Variants in ADAMTSL1 observed in about 807,000 individuals in gnomAD.
ADAMTSL1 encodes the protein ADAMTS like 1.
A neutral mutation model predicts 201.8 loss-of-function variants in ADAMTSL1; 126 were observed. The ratio of observed to expected loss-of-function variants is 0.62; its 90% CI spans 0.54 to 0.72. The LOEUF is 0.72. Among genes scored for constraint, ADAMTSL1 ranks in the 30% least tolerant of loss-of-function variants. The pLI is 0.00. For missense variants in ADAMTSL1, 2,679 were observed against 2,277.8 expected, an observed-to-expected ratio of 1.18 and a Z score of -3.59; for synonymous variants, 1,121 against 903.4, an observed-to-expected ratio of 1.24 and a Z score of -4.32.
At chr9:18,111,281 G>C (rs1464961164) in intron 1 of ADAMTSL1, among the ~76,000 whole-genome samples, 1 of 152,212 alleles carries the variant, frequency 6.6e-6, no homozygotes, top group Non-Finnish European at 1.5e-5. Flanking sequence ...ATTGTAATTT[G>C]TTTTAATATA....
intron 2 of ADAMTSL1, among the ~76,000 whole-genome samples, chr9:18,428,989 G>A (rs967516604): frequency 5.9e-5 from 9 of 152,112 alleles, no homozygotes; most frequent in African/African-American, 1.9e-4. Flanking sequence ...TAAATCAAAA[G>A]TCAGCTATAA....
chr9:18,248,457 C>T (rs1831343892), intron 2 of ADAMTSL1, among the ~76,000 whole-genome samples: 1 of 152,030 alleles, frequency 6.6e-6, no homozygotes, highest in Non-Finnish European at 1.5e-5. Context: ...TTCCAAAACA[C>T]TGTTCTATGT....
At position 18,717,963 on chromosome 9, in the gene ADAMTSL1, A is replaced by G. The variant is rs1833059555; in HGVS notation, c.1877-3573A>G. On this transcript the variant is annotated intron_variant, in intron 14 of 28. Coordinates refer to ENST00000380548, the MANE Select transcript of ADAMTSL1 (RefSeq NM_001040272.6). ...CAGAGCTGACTCAGAGCTGCAATGC[A>G]CTTAGTACATTAAAGCAGCTGACAT... 3.9e-6 allele frequency: 6 copies of G among 1,524,576 alleles called. No individual in the cohort carries two copies. In the African/African-American group the frequency reaches 4.1e-5, roughly 10 times the overall value. 94.4% of individuals were successfully genotyped at this position (1,524,576 alleles called of 1,614,324 possible). A position where few individuals can be genotyped will look rare whatever the true frequency, so the allele number is the denominator to read the frequency against.
intron 1 of ADAMTSL1, among the ~76,000 whole-genome samples, chr9:18,501,276 C>T (rs1822825682): frequency 6.6e-6 from 1 of 151,858 alleles, no homozygotes; most frequent in East Asian, 1.9e-4. Context: ...TTTGGGAGGC[C>T]AAGGTGGGTG....
intron 1 of ADAMTSL1, among the ~76,000 whole-genome samples, chr9:18,489,275 A>C (rs1822149297): frequency 6.6e-6 from 1 of 152,206 alleles, no homozygotes; most frequent in Admixed American, 6.5e-5. Flanking sequence ...AAAATCAAAA[A>C]CTTAGGAGCC....
chr9:18,060,487 C>T (rs372710466), intron 1 of ADAMTSL1, among the ~76,000 whole-genome samples: 9 of 152,282 alleles, frequency 5.9e-5, no homozygotes, highest in South Asian at 2.1e-4. Context: ...CTTCCAGCTT[C>T]AGCTTCTGAC....
At chr9:18,635,813 C>A in intron 5 of ADAMTSL1, 130 bp from the exon 6 acceptor site, 2 of 681,078 alleles carry the variant, frequency 2.9e-6, no homozygotes, top group Non-Finnish European at 4.9e-6. Context: ...TAAATATTGG[C>A]CTTCACATTT....
Position 18,635,981 on chromosome 9 carries a change from C to T in ADAMTSL1, c.640C>T (p.His214Tyr), listed in dbSNP as rs762356888. 3 of 1,601,494 alleles carry T rather than the reference C, an allele frequency of 1.9e-6. No homozygotes were observed. The highest frequency in any genetic ancestry group is 1.4e-5 in the African/African-American group (1 of 74,072). ...GGTTGCAATTCCCTATGGAAGTAGA[C>T]ATATTCGCCTTGTCTTAAAAGGTCC... ...TVVAIPYGSR[H>Y]IRLVLKGPDH... Residue 214 changes from histidine (H) to tyrosine (Y), a missense_variant, in exon 6 of 29, where the codon CAT (histidine) becomes TAT (tyrosine). Physicochemically the swap from His to Tyr is moderately conservative, Grantham distance 83. Coordinates refer to ENST00000380548, the MANE Select transcript of ADAMTSL1 (RefSeq NM_001040272.6).
chr9:18,507,936 G>A (rs913150913), intron 2 of ADAMTSL1, among the ~76,000 whole-genome samples: 2 of 152,146 alleles, frequency 1.3e-5, no homozygotes, highest in African/African-American at 4.8e-5. Context: ...TGTAATTGCA[G>A]CACTTTGGGA....
intron 4 of ADAMTSL1, among the ~76,000 whole-genome samples, chr9:18,599,964 A>G (rs921568565): frequency 1.2e-4 from 17 of 146,128 alleles, no homozygotes; most frequent in South Asian, 2.2e-4. Flanking sequence ...CATCCTGGCT[A>G]ACATGGTGAA....
chr9:18,039,487 A>G (rs1321267359), intron 1 of ADAMTSL1, among the ~76,000 whole-genome samples: 1 of 152,122 alleles, frequency 6.6e-6, no homozygotes, highest in Non-Finnish European at 1.5e-5. Context: ...GCATGAGTGT[A>G]TTATTGGTGT....
At chr9:18,084,773 G>A (rs1323472446) in intron 1 of ADAMTSL1, among the ~76,000 whole-genome samples, 2 of 141,206 alleles carry the variant, frequency 1.4e-5, no homozygotes, top group African/African-American at 2.6e-5. Context: ...CTGGAGACAT[G>A]AGAGTGAGCA....
chr9:18,804,149 T>G (rs1326118524), intron 20 of ADAMTSL1, among the ~76,000 whole-genome samples: 2 of 152,190 alleles, frequency 1.3e-5, no homozygotes, highest in Non-Finnish European at 2.9e-5. Context: ...TAATGAATGA[T>G]AGCATTCTCT....
intron 2 of ADAMTSL1, among the ~76,000 whole-genome samples, chr9:18,452,339 C>T (rs141172472): frequency 2.6e-4 from 39 of 152,336 alleles, no homozygotes; most frequent in African/African-American, 9.4e-4. Flanking sequence ...AACCTCTCAA[C>T]ACTTGCACTG....
At chr9:18,395,636 G>T (rs1175474391) in intron 2 of ADAMTSL1, among the ~76,000 whole-genome samples, 1 of 152,122 alleles carries the variant, frequency 6.6e-6, no homozygotes, top group African/African-American at 2.4e-5. Flanking sequence ...AGCATCCCTA[G>T]ACCAAATTAT....
intron 23 of ADAMTSL1, among the ~76,000 whole-genome samples, chr9:18,845,419 G>T (rs1374647559): frequency 6.6e-6 from 1 of 152,240 alleles, no homozygotes; most frequent in Non-Finnish European, 1.5e-5. Flanking sequence ...GCTTCTCCCT[G>T]GTGGGAGGCT....
chr9:18,392,524 G>A (rs1838094006), intron 2 of ADAMTSL1, among the ~76,000 whole-genome samples: 1 of 152,168 alleles, frequency 6.6e-6, no homozygotes, highest in South Asian at 2.1e-4. Context: ...TTTCCCTGCT[G>A]ATAGCCCTTA....
At chr9:18,264,703 G>A (rs1361227650) in intron 2 of ADAMTSL1, among the ~76,000 whole-genome samples, 1 of 152,170 alleles carries the variant, frequency 6.6e-6, no homozygotes, top group Non-Finnish European at 1.5e-5. Context: ...GTTATTCCTG[G>A]TGATTATAAA....
At chr9:18,352,423 G>A (rs554797683) in intron 2 of ADAMTSL1, among the ~76,000 whole-genome samples, 225 of 152,328 alleles carry the variant, frequency 1.5e-3, no homozygotes, top group African/African-American at 5.1e-3. Context: ...CTGAGAACAT[G>A]TGCCAAGTCA....
Sources: gnomAD v4.1 joint callset for allele counts (sites outside exome capture counted in the v4.1 genomes callset) on GRCh38, gnomAD v4.1.1 for gene constraint, MANE v1.5 for transcripts, NCBI Gene and HGNC (gene_info 2026-07-23, HGNC 2026-07-21) for gene names.